The following ATP2B2 variants were observed in gnomAD, a reference collection of about 807,000 sequenced individuals.
The protein encoded by ATP2B2 is plasma membrane calcium-transporting ATPase 2.
In ATP2B2, 15 loss-of-function variants were observed where a neutral mutation model predicts 120.0. That is an observed-to-expected ratio of 0.12 (90% confidence interval 0.08 to 0.19). ATP2B2 has a LOEUF of 0.19. Ranked by LOEUF, ATP2B2 falls within the 10% of genes least tolerant of loss-of-function variation. The pLI, the probability that ATP2B2 is intolerant of heterozygous loss-of-function variation, is 1.00. For synonymous variants in ATP2B2, 694 were observed against 700.3 expected (o/e 0.99, Z 0.14); for missense variants, 1,045 against 1,719.8 (o/e 0.61, Z 6.94).
At chr3:10,436,393 G>A (rs1395277590) in intron 2 of ATP2B2, among the ~76,000 whole-genome samples, 2 of 152,224 alleles carry the variant, frequency 1.3e-5, no homozygotes, top group Admixed American at 1.3e-4. Flanking sequence ...CCAACTCTGT[G>A]TTTAATGATG....
intron 3 of ATP2B2, among the ~76,000 whole-genome samples, chr3:10,406,505 TTG>T (rs2062417001): frequency 6.6e-6 from 1 of 152,196 alleles, no homozygotes; most frequent in Middle Eastern, 3.2e-3. Flanking sequence ...ACAAATACCA[TTG>T]TGTTACAGCT....
At chr3:10,441,893 G>C (rs1240045343) in intron 2 of ATP2B2, among the ~76,000 whole-genome samples, 2 of 152,170 alleles carry the variant, frequency 1.3e-5, no homozygotes, top group African/African-American at 4.8e-5. Flanking sequence ...GTGAGGGGAT[G>C]ACTTAAGGAC....
intron 1 of ATP2B2, among the ~76,000 whole-genome samples, chr3:10,502,739 C>G (rs995522673): frequency 1.3e-5 from 2 of 152,216 alleles, no homozygotes; most frequent in East Asian, 1.9e-4. Flanking sequence ...CCGCCTTCAC[C>G]CATAGGAGAT....
At chr3:10,679,219 A>G (rs150604702) in intron 1 of ATP2B2, among the ~76,000 whole-genome samples, 3 of 152,332 alleles carry the variant, frequency 2.0e-5, no homozygotes, top group Non-Finnish European at 4.4e-5. Context: ...ACTATGGTGT[A>G]TGGAAACTGT....
At chr3:10,457,945 G>A (rs959125707) in intron 1 of ATP2B2, among the ~76,000 whole-genome samples, 1 of 152,132 alleles carries the variant, frequency 6.6e-6, no homozygotes, top group Non-Finnish European at 1.5e-5. Flanking sequence ...CCTGAGGAAG[G>A]GGAGGTCCAG....
At chr3:10,685,035 C>T (rs2071483664) in intron 1 of ATP2B2, among the ~76,000 whole-genome samples, 2 of 152,154 alleles carry the variant, frequency 1.3e-5, no homozygotes, top group African/African-American at 2.4e-5. Flanking sequence ...CACTCAAGAC[C>T]AGGCGATGGT....
chr3:10,392,014 C>T (rs935411987), intron 5 of ATP2B2, among the ~76,000 whole-genome samples: 4 of 152,042 alleles, frequency 2.6e-5, no homozygotes, highest in Admixed American at 6.5e-5. Context: ...GGATGAATGC[C>T]CTTCTCCTTG....
chr3:10,678,195 T>A (rs2071291184), intron 1 of ATP2B2, among the ~76,000 whole-genome samples: 1 of 152,214 alleles, frequency 6.6e-6, no homozygotes, highest in South Asian at 2.1e-4. Flanking sequence ...TATTCTCTAT[T>A]CCAAAATGAA....
At chr3:10,479,486 C>T (rs956614979) in intron 1 of ATP2B2, among the ~76,000 whole-genome samples, 1 of 152,054 alleles carries the variant, frequency 6.6e-6, no homozygotes, top group Admixed American at 6.6e-5. Context: ...AAATCACACT[C>T]ATCCTGGTTG....
rs372159079 is a variant in ATP2B2, at chr3:10,683,748, ATG to A, written c.-460+24165_-460+24166del. On this transcript the variant is annotated intron_variant, in intron 1 of 21. Transcript: ENST00000646379. ...TGTGTGTATATATATGTGTATATAT[ATG>A]TGTGTGTGTGTATATATATATATAT... Among the ~76,000 whole-genome samples the A allele has an allele frequency of 4.2e-4, 24 of 57,348 alleles. No homozygotes were observed. In the South Asian group the frequency reaches 0.015, roughly 37 times the overall value. 37.6% of individuals were successfully genotyped at this position (57,348 alleles called of 152,430 possible).
chr3:10,638,164 A>G (rs1269108704), intron 1 of ATP2B2, among the ~76,000 whole-genome samples: 2 of 152,228 alleles, frequency 1.3e-5, no homozygotes, highest in Non-Finnish European at 1.5e-5. Flanking sequence ...CAAAAGGAAA[A>G]TAACAGATGG....
At chr3:10,330,738 T>C (rs2059957984) in intron 22 of ATP2B2, among the ~76,000 whole-genome samples, 1 of 152,206 alleles carries the variant, frequency 6.6e-6, no homozygotes, top group African/African-American at 2.4e-5. Context: ...AGCTCCTTTG[T>C]GAAACCCTGG....
intron 1 of ATP2B2, among the ~76,000 whole-genome samples, chr3:10,667,003 G>A (rs554317939): frequency 6.6e-6 from 1 of 152,184 alleles, no homozygotes; most frequent in Non-Finnish European, 1.5e-5. Context: ...TTCCTGTAAG[G>A]GTCCAGGCAG....
intron 2 of ATP2B2, among the ~76,000 whole-genome samples, chr3:10,438,672 G>C (rs930197636): frequency 9.2e-5 from 14 of 152,344 alleles, no homozygotes; most frequent in Non-Finnish European, 1.5e-4. Context: ...GGGGTGAGGA[G>C]GGCCTGTATA....
chr3:10,494,958 A>C (rs1322092297), intron 1 of ATP2B2, among the ~76,000 whole-genome samples: 1 of 152,248 alleles, frequency 6.6e-6, no homozygotes, highest in East Asian at 1.9e-4. Context: ...TTTGAACCAC[A>C]GTTTCCTCAA....
intron 1 of ATP2B2, among the ~76,000 whole-genome samples, chr3:10,495,419 A>T (rs1575407327): frequency 6.6e-6 from 1 of 152,216 alleles, no homozygotes; most frequent in African/African-American, 2.4e-5. Context: ...CATCTCTGAG[A>T]CCATGTTGCT....
intron 1 of ATP2B2, among the ~76,000 whole-genome samples, chr3:10,488,856 ACAGT>A (rs2065830050): frequency 6.6e-6 from 1 of 151,592 alleles, no homozygotes; most frequent in African/African-American, 2.4e-5. Context: ...TTTTCCACAC[ACAGT>A]CAGACAAAAA....
intron 3 of ATP2B2, among the ~76,000 whole-genome samples, chr3:10,405,665 C>T (rs1446315721): frequency 6.6e-6 from 1 of 152,128 alleles, no homozygotes; most frequent in Non-Finnish European, 1.5e-5. Context: ...TCTTCCTGGA[C>T]CTGCGGCTAT....
At chr3:10,489,487 T>C (rs188724467) in intron 1 of ATP2B2, among the ~76,000 whole-genome samples, 1 of 152,330 alleles carries the variant, frequency 6.6e-6, no homozygotes, top group East Asian at 1.9e-4. Flanking sequence ...CAAATGTGTC[T>C]GTTCATAACC....
Sources: allele counts gnomAD v4.1 joint callset (sites outside exome capture counted in the v4.1 genomes callset), GRCh38; gene constraint gnomAD v4.1.1; transcripts MANE v1.5; gene names NCBI Gene and HGNC (gene_info 2026-07-23, HGNC 2026-07-21).